The following FRMPD4 variants were observed in gnomAD, a reference collection of about 807,000 sequenced individuals.
The protein encoded by FRMPD4 is FERM and PDZ domain containing 4.
Under a neutral mutation model 94.1 loss-of-function variants are expected in FRMPD4, and 22 were observed. The observed-to-expected ratio is 0.23, with a 90% CI of 0.17 to 0.33. The LOEUF (loss-of-function observed/expected upper bound fraction) is 0.33. Among genes scored for constraint, FRMPD4 ranks in the 10% least tolerant of loss-of-function variants. FRMPD4 has a pLI of 1.00. For synonymous variants in FRMPD4, 631 were observed against 548.6 expected (o/e 1.15, Z -2.10); for missense variants, 1,111 against 1,339.9 (o/e 0.83, Z 2.67).
At chrX:12,583,898 A>C (rs992500683) in intron 2 of FRMPD4, among the ~76,000 whole-genome samples, 5 of 111,320 alleles carry the variant, frequency 4.5e-5, no homozygotes, top group African/African-American at 1.6e-4. Context: ...TCCAGGCTTG[A>C]GGGTGCGAGG....
chrX:12,293,519 A>G (rs1481442455), intron 1 of FRMPD4, among the ~76,000 whole-genome samples: 1 of 112,607 alleles, frequency 8.9e-6, no homozygotes, highest in African/African-American at 3.2e-5. Context: ...CCACTGTTGT[A>G]CAACAAGAAA....
intron 1 of FRMPD4, among the ~76,000 whole-genome samples, chrX:12,280,340 T>C (rs913653597): frequency 2.7e-5 from 3 of 110,236 alleles, no homozygotes; most frequent in Non-Finnish European, 5.7e-5. Flanking sequence ...ATGTAAATGT[T>C]GAATCAGAGG....
intron 4 of FRMPD4, among the ~76,000 whole-genome samples, chrX:12,629,281 C>A: frequency 9.0e-6 from 1 of 111,631 alleles, no homozygotes; most frequent in Non-Finnish European, 1.9e-5. Context: ...TCTGGCTGAC[C>A]AAATGGGCAA....
chrX:12,499,629 C>T (rs2057894825), intron 2 of FRMPD4, among the ~76,000 whole-genome samples: 2 of 112,407 alleles, frequency 1.8e-5, no homozygotes, highest in Admixed American at 9.4e-5. Flanking sequence ...ATTTTCTGTC[C>T]TTTTGTCACT....
chrX:11,880,341 C>A (rs1185657092), intron 3 of FRMPD4, among the ~76,000 whole-genome samples: 1 of 111,389 alleles, frequency 9.0e-6, no homozygotes, highest in East Asian at 2.8e-4. Context: ...CTGGTTCATC[C>A]AATTATCTAG....
At chrX:12,590,582 A>G (rs1602176255) in intron 2 of FRMPD4, among the ~76,000 whole-genome samples, 1 of 112,431 alleles carries the variant, frequency 8.9e-6, no homozygotes, top group South Asian at 3.7e-4. Context: ...GTATTGTTGA[A>G]TTGAACCTTA....
intron 1 of FRMPD4, among the ~76,000 whole-genome samples, chrX:12,465,564 C>A (rs2057440826): frequency 9.0e-6 from 1 of 111,442 alleles, no homozygotes; most frequent in Admixed American, 9.5e-5. Context: ...TTCACCACTG[C>A]CCTATGTGCC....
In FRMPD4 at chrX:11,999,092, G is replaced by A. The variant is rs191628832; in HGVS notation, c.95+121074G>A. Reference sequence around the variant, plus strand: ...CACAGTAAATAATAGTTGATCATCTGACCGCTATTGTATAAGGATCTCATC... The same window carrying A: ...CACAGTAAATAATAGTTGATCATCTAACCGCTATTGTATAAGGATCTCATC... On this transcript the variant is annotated intron_variant, in intron 3 of 18. Coordinates refer to the FRMPD4 transcript ENST00000640291. Among the ~76,000 whole-genome samples the A allele has an allele frequency of 2.7e-3, 305 of 111,599 alleles. 1 individual carries two copies. The highest frequency in any genetic ancestry group is 4.2e-3 in the Non-Finnish European group (224 of 53,035).
At chrX:12,199,740 A>G (rs1347901553) in intron 1 of FRMPD4, among the ~76,000 whole-genome samples, 1 of 111,990 alleles carries the variant, frequency 8.9e-6, no homozygotes, top group Non-Finnish European at 1.9e-5. Flanking sequence ...ATAGAGAAAG[A>G]GTTTAATTTA....
At chrX:12,205,652 A>G (rs2056683950) in intron 1 of FRMPD4, among the ~76,000 whole-genome samples, 1 of 111,919 alleles carries the variant, frequency 8.9e-6, no homozygotes, top group Admixed American at 9.5e-5. Context: ...GTGTTTGGGG[A>G]ATCACCTCTC....
At chrX:12,030,422 G>C (rs1367894147) in intron 3 of FRMPD4, among the ~76,000 whole-genome samples, 1 of 111,602 alleles carries the variant, frequency 9.0e-6, no homozygotes, top group African/African-American at 3.3e-5. Flanking sequence ...TTTTTGTGGG[G>C]GGGAGGTCCC....
At chrX:12,044,331 A>G (rs5935227) in intron 3 of FRMPD4, among the ~76,000 whole-genome samples, 1,425 of 112,340 alleles carry the variant, frequency 0.013, 7 homozygotes, top group South Asian at 0.018. Context: ...CTGGAAATAC[A>G]TGAGCTCTGC....
At chrX:11,888,313 T>C (rs1354039566) in intron 3 of FRMPD4, among the ~76,000 whole-genome samples, 2 of 112,172 alleles carry the variant, frequency 1.8e-5, no homozygotes, top group Non-Finnish European at 3.8e-5. Context: ...GTTTTAACAC[T>C]ACACCTTCAC....
Position 12,716,235 on chromosome X carries a change from CCGGCACT to C in FRMPD4, c.1777_1783del (p.Arg593CysfsTer3). The C allele has an allele frequency of 8.3e-7, 1 of 1,210,357 alleles. No individual in the cohort carries two copies. Among genetic ancestry groups the C allele is most frequent in the Non-Finnish European group, 1.1e-6 (1 of 894,368 alleles). ...ACAGCACCATGTGTCCAAAAGAGCA[CCGGCACT>C]TGTACATAGACAATGCCTATAGTTC... On this transcript the variant is annotated frameshift_variant, in exon 15 of 17. Transcript: ENST00000675598. LOFTEE classifies it high-confidence loss of function.
At chrX:12,066,021 A>T in intron 3 of FRMPD4, among the ~76,000 whole-genome samples, 1 of 112,251 alleles carries the variant, frequency 8.9e-6, no homozygotes. Context: ...AATATGAGAA[A>T]TTTCATGTGT....
At chrX:11,976,058 G>C (rs922357751) in intron 3 of FRMPD4, among the ~76,000 whole-genome samples, 13 of 111,536 alleles carry the variant, frequency 1.2e-4, no homozygotes, top group African/African-American at 3.9e-4. Flanking sequence ...CAGGTACATG[G>C]GAGAGCAGTT....
Position 12,076,586 on chromosome X carries a change from G to C in FRMPD4, c.95+198568G>C, listed in dbSNP as rs1157209641. 7.2e-5 allele frequency among the ~76,000 whole-genome samples: 8 copies of C among 110,620 alleles called. No homozygotes were observed. In the East Asian group the frequency reaches 2.3e-3, roughly 31 times the overall value. On this transcript the variant is annotated intron_variant, in intron 3 of 18. Coordinates refer to the FRMPD4 transcript ENST00000640291. ...ACTACAGATGATCAAATAAATACCT[G>C]CTATTCCCACTTTGATCTGGAAAGT...
chrX:11,884,455 A>G (rs1343558878), intron 3 of FRMPD4, among the ~76,000 whole-genome samples: 1 of 111,923 alleles, frequency 8.9e-6, no homozygotes, highest in Non-Finnish European at 1.9e-5. Flanking sequence ...TCTCAGTGCC[A>G]TACTGCGCAG....
chrX:12,523,850 GAAAAAA>G (rs781135374), intron 2 of FRMPD4, among the ~76,000 whole-genome samples: 3 of 92,092 alleles, frequency 3.3e-5, no homozygotes, highest in African/African-American at 1.2e-4. Flanking sequence ...GAATAATTGG[GAAAAAA>G]AAAAAAAAAG....
Sources: gnomAD v4.1 joint callset for allele counts (sites outside exome capture counted in the v4.1 genomes callset) on GRCh38, gnomAD v4.1.1 for gene constraint, MANE v1.5 for transcripts, NCBI Gene and HGNC (gene_info 2026-07-23, HGNC 2026-07-21) for gene names.